Variants in FNDC3B observed in about 807,000 individuals in gnomAD.
The protein encoded by FNDC3B is fibronectin type III domain containing 3B.
A neutral mutation model predicts 151.5 loss-of-function variants in FNDC3B; 12 were observed. The ratio of observed to expected loss-of-function variants is 0.08; its 90% confidence interval spans 0.05 to 0.13. The LOEUF (loss-of-function observed/expected upper bound fraction) is 0.13. Among genes scored for constraint, FNDC3B ranks in the 10% least tolerant of loss-of-function variants. The probability of loss-of-function intolerance (pLI) is 1.00; values close to 1 mark genes in which losing one functional copy is unlikely to be tolerated. For synonymous variants in FNDC3B, 528 were observed against 549.0 expected, an observed-to-expected ratio of 0.96 and a Z score of 0.54; for missense variants, 1,214 against 1,505.3, an observed-to-expected ratio of 0.81 and a Z score of 3.20.
At chr3:172,124,383 G>T (rs1037493578) in intron 2 of FNDC3B, among the ~76,000 whole-genome samples, 1 of 152,208 alleles carries the variant, frequency 6.6e-6, no homozygotes, top group East Asian at 1.9e-4. Context: ...GAGCCACCAC[G>T]CCTGGGCCAA....
At chr3:172,087,557 C>A (rs1383637526) in intron 1 of FNDC3B, among the ~76,000 whole-genome samples, 1 of 151,998 alleles carries the variant, frequency 6.6e-6, no homozygotes, top group Non-Finnish European at 1.5e-5. Context: ...CCTTATCCTG[C>A]CATTAATCAG....
intron 18 of FNDC3B, 72 bp from the exon 19 acceptor site, chr3:172,344,014 G>A: frequency 1.4e-6 from 2 of 1,440,486 alleles, no homozygotes; most frequent in Non-Finnish European, 1.9e-6. Flanking sequence ...CTCAACTTGT[G>A]TGAAATCTGG....
intron 3 of FNDC3B, among the ~76,000 whole-genome samples, chr3:172,170,699 T>C (rs1252273061): frequency 6.6e-6 from 1 of 152,198 alleles, no homozygotes; most frequent in Non-Finnish European, 1.5e-5. Flanking sequence ...TTGTTTCGAC[T>C]CCTTTTGCGT....
chr3:172,164,720 T>G (rs1334516048), intron 3 of FNDC3B, among the ~76,000 whole-genome samples: 1 of 152,212 alleles, frequency 6.6e-6, no homozygotes, highest in East Asian at 1.9e-4. Context: ...ATGTAGTGCA[T>G]TCTCACTGGA....
chr3:172,189,354 C>T (rs941752240), intron 3 of FNDC3B, among the ~76,000 whole-genome samples: 4 of 152,152 alleles, frequency 2.6e-5, no homozygotes, highest in African/African-American at 9.7e-5. Flanking sequence ...CTCTGCAACA[C>T]CCTTCATAGC....
rs539078368 is a variant in FNDC3B, at chr3:172,199,769, A to AT, written c.188-27101dup. 4.0e-4 allele frequency among the ~76,000 whole-genome samples: 61 copies of AT among 152,372 alleles called. No individual in the cohort carries two copies. The South Asian group carries it at 0.011, about 26-fold the overall frequency. On this transcript the variant is annotated intron_variant, in intron 3 of 25. Transcript: ENST00000415807. ...CTATACACACATTTAAGAAAGATTG[A>AT]TAAAAACAAGGAAGACAATTATTTA...
intron 8 of FNDC3B, among the ~76,000 whole-genome samples, chr3:172,297,688 A>G (rs1283489561): frequency 3.3e-5 from 5 of 151,960 alleles, no homozygotes; most frequent in Non-Finnish European, 7.4e-5. Flanking sequence ...GTTAGCCAGG[A>G]TGGTCTCGAT....
At chr3:172,080,544 T>C (rs1243313565) in intron 1 of FNDC3B, among the ~76,000 whole-genome samples, 1 of 152,034 alleles carries the variant, frequency 6.6e-6, no homozygotes, top group African/African-American at 2.4e-5. Flanking sequence ...TCCCAAAGTG[T>C]TGGGATTACA....
chr3:172,319,814 A>G (rs1731991712), intron 11 of FNDC3B, among the ~76,000 whole-genome samples: 2 of 152,212 alleles, frequency 1.3e-5, no homozygotes, highest in Admixed American at 6.5e-5. Flanking sequence ...TTCTAAATAT[A>G]GACACTCTAG....
intron 1 of FNDC3B, among the ~76,000 whole-genome samples, chr3:172,098,982 A>G (rs930181798): frequency 1.3e-5 from 2 of 152,230 alleles, no homozygotes; most frequent in Non-Finnish European, 2.9e-5. Flanking sequence ...GCCTCTCGGC[A>G]ATGTAAATAC....
Position 172,202,667 on chromosome 3 carries a change from C to T in FNDC3B, c.188-24204C>T, listed in dbSNP as rs554540377. The stretch of plus-strand genomic sequence containing the variant: ...CTTCTTATAAAGTCTTAAGAATGGT[C>T]TCATTAACCATCTGTTATTGAATGA... On this transcript the variant is annotated intron_variant, in intron 3 of 25. Coordinates refer to ENST00000415807, the MANE Select transcript of FNDC3B (RefSeq NM_022763.4). 5.3e-5 allele frequency among the ~76,000 whole-genome samples: 8 copies of T among 152,278 alleles called. 1 individual carries two copies. The South Asian group carries it at 1.7e-3, about 32-fold the overall frequency.
intron 11 of FNDC3B, among the ~76,000 whole-genome samples, chr3:172,313,004 AC>A (rs957379743): frequency 1.3e-5 from 2 of 152,046 alleles, no homozygotes; most frequent in African/African-American, 4.8e-5. Context: ...TTTGCCCTCT[AC>A]CTTTCTCCTA....
chr3:172,332,002 G>T (rs181966563), intron 13 of FNDC3B, among the ~76,000 whole-genome samples: 1 of 152,074 alleles, frequency 6.6e-6, no homozygotes, highest in African/African-American at 2.4e-5. Context: ...ATGTAGTTTC[G>T]CCTTGTTGTC....
chr3:172,338,720 GGTTTT>G (rs548549672), intron 16 of FNDC3B, among the ~76,000 whole-genome samples: 71 of 152,138 alleles, frequency 4.7e-4, no homozygotes, highest in South Asian at 6.2e-4. Context: ...TAACTATTAA[GGTTTT>G]GTTTTGTTTT....
intron 6 of FNDC3B, among the ~76,000 whole-genome samples, chr3:172,258,035 T>C (rs1198235608): frequency 6.6e-6 from 1 of 152,164 alleles, no homozygotes; most frequent in Non-Finnish European, 1.5e-5. Context: ...GATAAATATA[T>C]ACTAGTGATG....
At chr3:172,280,267 G>A in intron 6 of FNDC3B, among the ~76,000 whole-genome samples, 1 of 152,170 alleles carries the variant, frequency 6.6e-6, no homozygotes, top group Non-Finnish European at 1.5e-5. Context: ...ATGCTTATCA[G>A]CATTAGTAGG....
intron 1 of FNDC3B, among the ~76,000 whole-genome samples, chr3:172,091,985 A>G (rs1358925144): frequency 6.6e-6 from 1 of 151,712 alleles, no homozygotes; most frequent in Non-Finnish European, 1.5e-5. Flanking sequence ...AAATTTGACT[A>G]TAAGATGAGT....
At chr3:172,223,884 G>A (rs1726417737) in intron 3 of FNDC3B, among the ~76,000 whole-genome samples, 1 of 152,248 alleles carries the variant, frequency 6.6e-6, no homozygotes, top group Non-Finnish European at 1.5e-5. Context: ...TGATTATTGT[G>A]CCATGCACTG....
chr3:172,126,214 A>G (rs948548210), intron 2 of FNDC3B, among the ~76,000 whole-genome samples: 3 of 152,178 alleles, frequency 2.0e-5, no homozygotes, highest in African/African-American at 7.2e-5. Context: ...TCCGAATTCA[A>G]CGTGCATAGA....
Sources: gnomAD v4.1 joint callset for allele counts (sites outside exome capture counted in the v4.1 genomes callset) on GRCh38, gnomAD v4.1.1 for gene constraint, MANE v1.5 for transcripts, NCBI Gene and HGNC (gene_info 2026-07-23, HGNC 2026-07-21) for gene names.